DNAJC1: variants seen among roughly 807,000 people sequenced by gnomAD.
DNAJC1 encodes dnaJ homolog subfamily C member 1.
DNAJC1 carries 58 observed loss-of-function variants against 76.6 expected under a neutral mutation model. The ratio of observed to expected loss-of-function variants is 0.76; its 90% confidence interval spans 0.61 to 0.94. The LOEUF is 0.94. Ranked by LOEUF, DNAJC1 falls within the 40% of genes least tolerant of loss-of-function variation. DNAJC1 has a pLI of 0.00. For synonymous variants in DNAJC1, 258 were observed against 267.9 expected (o/e 0.96, Z 0.36); for missense variants, 689 against 677.3 (o/e 1.02, Z -0.19).
At chr10:21,839,018 G>T (rs1310875391) in intron 8 of DNAJC1, among the ~76,000 whole-genome samples, 3 of 152,124 alleles carry the variant, frequency 2.0e-5, no homozygotes, top group Non-Finnish European at 2.9e-5. Flanking sequence ...AATAAAGAAA[G>T]GAAGGCAGAA....
Position 21,983,684 on chromosome 10 carries a change from A to G in DNAJC1, c.222+19529T>C, listed in dbSNP as rs183696665. Among the ~76,000 whole-genome samples the G allele has an allele frequency of 2.2e-3, 334 of 150,576 alleles. 3 individuals are homozygous for G. The highest frequency in any genetic ancestry group is 7.8e-3 in the African/African-American group (318 of 40,940). On this transcript the variant is annotated intron_variant, in intron 1 of 11. Transcript: ENST00000376980. ...TGCAGTGAGCAGAGATTGCACCACT[A>G]CATTCCAGCCGGGGCAACAGAGCGA... is the stretch of plus-strand genomic sequence containing the variant.
chr10:21,841,846 C>T (rs1354376064), intron 8 of DNAJC1, among the ~76,000 whole-genome samples: 1 of 152,004 alleles, frequency 6.6e-6, no homozygotes, highest in African/African-American at 2.4e-5. Flanking sequence ...TGGAACCAAC[C>T]TAAATATCCA....
At chr10:21,960,633 T>G (rs989806119) in intron 1 of DNAJC1, among the ~76,000 whole-genome samples, 8 of 152,148 alleles carry the variant, frequency 5.3e-5, no homozygotes, top group Non-Finnish European at 5.9e-5. Context: ...GAGGCTGCAG[T>G]AAGCCAAAGT....
At chr10:21,869,890 C>A (rs2131707745) in intron 8 of DNAJC1, among the ~76,000 whole-genome samples, 1 of 152,074 alleles carries the variant, frequency 6.6e-6, no homozygotes, top group East Asian at 1.9e-4. Context: ...TCTGTACTGT[C>A]TTGGAAACTT....
At chr10:21,928,401 A>G (rs1365666908) in intron 3 of DNAJC1, 105 bp downstream of exon 3, 1 of 1,054,544 alleles carries the variant, frequency 9.5e-7, no homozygotes, top group Non-Finnish European at 1.4e-6. Context: ...AGGAACAAAA[A>G]TAAAATGCTA....
At chr10:21,968,839 A>C (rs576907063) in intron 1 of DNAJC1, among the ~76,000 whole-genome samples, 1 of 152,230 alleles carries the variant, frequency 6.6e-6, no homozygotes, top group African/African-American at 2.4e-5. Context: ...GGCATATTAC[A>C]AACGCTGCTG....
At chr10:21,780,220 A>G (rs1353735632) in intron 9 of DNAJC1, among the ~76,000 whole-genome samples, 1 of 152,236 alleles carries the variant, frequency 6.6e-6, no homozygotes, top group Non-Finnish European at 1.5e-5. Flanking sequence ...GCAGGCCAAC[A>G]TTCAAATTCA....
intron 1 of DNAJC1, among the ~76,000 whole-genome samples, chr10:21,971,740 G>A (rs1837982718): frequency 6.6e-6 from 1 of 151,814 alleles, no homozygotes; most frequent in Non-Finnish European, 1.5e-5. Flanking sequence ...TAAAACTAAA[G>A]AGCAAATGGT....
At chr10:21,828,980 T>C (rs1037568236) in intron 8 of DNAJC1, among the ~76,000 whole-genome samples, 14 of 152,170 alleles carry the variant, frequency 9.2e-5, no homozygotes, top group Admixed American at 2.0e-4. Context: ...CTGGGGTTGT[T>C]GTTTGATGCA....
At chr10:21,916,871 A>C (rs569017830) in intron 6 of DNAJC1, among the ~76,000 whole-genome samples, 1 of 152,150 alleles carries the variant, frequency 6.6e-6, no homozygotes, top group Non-Finnish European at 1.5e-5. Context: ...ACTGCATTAC[A>C]TTATTTTGTT....
In DNAJC1 at chr10:21,771,544, G is replaced by A. The variant is rs150533409; in HGVS notation, c.1099-5235C>T. Among the ~76,000 whole-genome samples, 9 of 152,306 alleles carry A rather than the reference G, an allele frequency of 5.9e-5. No individual in the cohort carries two copies. The East Asian group carries it at 1.7e-3, about 29-fold the overall frequency. On this transcript the variant is annotated intron_variant, in intron 9 of 11. Coordinates refer to ENST00000376980, the MANE Select transcript of DNAJC1 (RefSeq NM_022365.4). ...GACGCAGTCTCGCTCTGTTGCCCAG[G>A]CTGCAGTGCAATGGCACGATCTCGG...
At chr10:21,918,698 G>T in intron 6 of DNAJC1, 81 bp downstream of exon 6, 1 of 1,045,604 alleles carries the variant, frequency 9.6e-7, no homozygotes. Context: ...TCAGCATTCA[G>T]AGAGCCGACA....
rs45519936 is a variant in DNAJC1 at position 21,882,643 on chromosome 10, T to C, written c.821-204A>G. Reference sequence around the variant, plus strand: ...AGAGTTGCTACTATTGTGGAGATGATCATGAGATAGCCATCATATCAATTT... The same window carrying C: ...AGAGTTGCTACTATTGTGGAGATGACCATGAGATAGCCATCATATCAATTT... On this transcript the variant is annotated intron_variant, in intron 7 of 11. Coordinates refer to ENST00000376980, the MANE Select transcript of DNAJC1 (RefSeq NM_022365.4). 1.0e-3 allele frequency among the ~76,000 whole-genome samples: 159 copies of C among 152,336 alleles called. 4 individuals carry two copies. The East Asian group carries it at 0.023, about 22-fold the overall frequency.
chr10:21,950,989 A>C (rs1837584654), intron 1 of DNAJC1, among the ~76,000 whole-genome samples: 2 of 152,262 alleles, frequency 1.3e-5, no homozygotes, highest in African/African-American at 4.8e-5. Flanking sequence ...CCGATGGAGA[A>C]GCTGCAGAAA....
chr10:21,775,863 G>A (rs1328009317), intron 9 of DNAJC1, among the ~76,000 whole-genome samples: 1 of 152,030 alleles, frequency 6.6e-6, no homozygotes, highest in Non-Finnish European at 1.5e-5. Context: ...AATATTGTGG[G>A]CTACTGGCTT....
At chr10:21,825,769 A>G (rs1354094480) in intron 8 of DNAJC1, among the ~76,000 whole-genome samples, 4 of 152,154 alleles carry the variant, frequency 2.6e-5, no homozygotes, top group Admixed American at 2.0e-4. Context: ...CATTTCCCCA[A>G]TGATTGGTGA....
At chr10:21,953,758 TTCTCA>T (rs1837634978) in intron 1 of DNAJC1, among the ~76,000 whole-genome samples, 1 of 147,304 alleles carries the variant, frequency 6.8e-6, no homozygotes, top group Non-Finnish European at 1.5e-5. Context: ...TGCCCTAACC[TTCTCA>T]GGGTAGAGCT....
intron 1 of DNAJC1, among the ~76,000 whole-genome samples, chr10:21,977,361 T>A (rs1159014444): frequency 3.9e-5 from 6 of 152,212 alleles, no homozygotes; most frequent in African/African-American, 1.2e-4. Context: ...TCAGTTTCTA[T>A]AAAACAACTA....
At chr10:21,861,994 C>A (rs1009902983) in intron 8 of DNAJC1, among the ~76,000 whole-genome samples, 1 of 152,104 alleles carries the variant, frequency 6.6e-6, no homozygotes, top group African/African-American at 2.4e-5. Flanking sequence ...TCTTGGCTCA[C>A]CACAACCTCC....
Sources: gnomAD v4.1 joint callset for allele counts (sites outside exome capture counted in the v4.1 genomes callset) on GRCh38, gnomAD v4.1.1 for gene constraint, MANE v1.5 for transcripts, NCBI Gene and HGNC (gene_info 2026-07-23, HGNC 2026-07-21) for gene names.